Variants in IQSEC1 observed in about 807,000 individuals in gnomAD.
IQSEC1 encodes IQ motif and Sec7 domain ArfGEF 1.
Under a neutral mutation model 91.0 loss-of-function variants are expected in IQSEC1, and 31 were observed. That is an observed-to-expected ratio of 0.34 (90% CI 0.26 to 0.46). The LOEUF (loss-of-function observed/expected upper bound fraction) is 0.46, where lower values mean the gene tolerates loss of function less well. Among genes scored for constraint, IQSEC1 ranks in the 20% least tolerant of loss-of-function variants. The probability of loss-of-function intolerance (pLI) is 1.00; values close to 1 mark genes in which losing one functional copy is unlikely to be tolerated. For missense variants in IQSEC1, 1,388 were observed against 1,575.6 expected, an observed-to-expected ratio of 0.88 and a Z score of 2.02; for synonymous variants, 699 against 662.6, an observed-to-expected ratio of 1.05 and a Z score of -0.84.
chr3:13,179,259 C>G (rs2125014333), intron 1 of IQSEC1, among the ~76,000 whole-genome samples: 1 of 152,218 alleles, frequency 6.6e-6, no homozygotes, highest in African/African-American at 2.4e-5. Context: ...AAATACAAAA[C>G]AAAAACAGCA....
Position 12,994,124 on chromosome 3 carries a change from G to C in IQSEC1, c.24-52259C>G, listed in dbSNP as rs1014815000. ...GCCGCCGAGAGCGCGCCGTCCCCGC[G>C]GCCGGCGCGGCCCCAGAGCGTCCGG... On this transcript the variant is annotated intron_variant, in intron 1 of 13. Transcript: ENST00000613206. The surrounding 1 kb of genome is among the most constrained non-coding windows in gnomAD (Gnocchi z 4.5). Among the ~76,000 whole-genome samples, 136 of 146,286 alleles carry C rather than the reference G, an allele frequency of 9.3e-4. No individual in the cohort carries two copies. Among genetic ancestry groups the C allele is most frequent in the African/African-American group, 3.3e-3 (136 of 40,898 alleles).
intron 2 of IQSEC1, among the ~76,000 whole-genome samples, chr3:13,096,478 A>ACTGCGACTT (rs1705964439): frequency 6.6e-6 from 1 of 152,204 alleles, no homozygotes; most frequent in Admixed American, 6.5e-5. Context: ...GTCTAGCAAG[A>ACTGCGACTT]ATCAAGTATT....
At chr3:13,158,061 A>G (rs1421651006) in intron 2 of IQSEC1, among the ~76,000 whole-genome samples, 1 of 152,204 alleles carries the variant, frequency 6.6e-6, no homozygotes, top group African/African-American at 2.4e-5. Flanking sequence ...TAAGACAAAG[A>G]GAAAGGATTT....
At chr3:13,254,470 G>A (rs868709644) in intron 1 of IQSEC1, among the ~76,000 whole-genome samples, 2 of 152,252 alleles carry the variant, frequency 1.3e-5, no homozygotes, top group Non-Finnish European at 1.5e-5. Flanking sequence ...ATTCTGAGCA[G>A]AGGTTGGTCC....
chr3:13,217,725 T>C (rs2125070406), intron 1 of IQSEC1, among the ~76,000 whole-genome samples: 1 of 152,364 alleles, frequency 6.6e-6, no homozygotes, highest in Admixed American at 6.5e-5. Flanking sequence ...AAATGTATTT[T>C]GAAAAGAAAA....
Position 12,936,650 on chromosome 3 carries a change from A to G in IQSEC1, c.366T>C (p.His122=), listed in dbSNP as rs1014343763. 10 of 1,604,732 alleles carry G rather than the reference A, an allele frequency of 6.2e-6. No homozygotes were observed. The highest frequency in any genetic ancestry group is 1.7e-5 in the Admixed American group (1 of 58,964). ...RKYGGRLVTR[H]AARTIQTAFR... is the part of the protein sequence containing the mutation. ...ACGCCGTCTGGATGGTGCGGGCCGCATGGCGGGTTACCAGGCGCCCCCCAT... is the reference window on the plus strand; with the variant it reads ...ACGCCGTCTGGATGGTGCGGGCCGCGTGGCGGGTTACCAGGCGCCCCCCAT... The change falls in exon 3 of 14, where the codon CAT becomes CAC. Residue 122 remains histidine, a synonymous_variant. Coordinates refer to ENST00000613206, the MANE Select transcript of IQSEC1 (RefSeq NM_001134382.3).
chr3:13,028,192 G>C (rs1703694767), intron 1 of IQSEC1, among the ~76,000 whole-genome samples: 1 of 152,350 alleles, frequency 6.6e-6, no homozygotes, highest in African/African-American at 2.4e-5. Flanking sequence ...TGGCCCAGAG[G>C]GGGAGTTAAT....
chr3:13,149,181 C>G (rs964351151), intron 2 of IQSEC1, among the ~76,000 whole-genome samples: 2 of 152,224 alleles, frequency 1.3e-5, no homozygotes, highest in African/African-American at 2.4e-5. Context: ...CCCCCACATC[C>G]CAAAGCGCAG....
chr3:13,088,727 C>T (rs1209039037), intron 2 of IQSEC1, among the ~76,000 whole-genome samples: 1 of 152,252 alleles, frequency 6.6e-6, no homozygotes, highest in Admixed American at 6.5e-5. Context: ...TATCCTCCTC[C>T]TAACTCTGCC....
intron 2 of IQSEC1, among the ~76,000 whole-genome samples, chr3:13,149,079 C>G (rs964555585): frequency 1.3e-5 from 2 of 152,246 alleles, no homozygotes; most frequent in Non-Finnish European, 2.9e-5. Flanking sequence ...CTTGCTTACT[C>G]TGTCTGGGCA....
intron 1 of IQSEC1, among the ~76,000 whole-genome samples, chr3:13,213,642 C>T (rs755585596): frequency 6.6e-6 from 1 of 152,116 alleles, no homozygotes; most frequent in Non-Finnish European, 1.5e-5. Context: ...TCATATTACA[C>T]CTGCTGAAAT....
chr3:12,937,766 G>A (rs985838535), intron 2 of IQSEC1, among the ~76,000 whole-genome samples: 2 of 152,240 alleles, frequency 1.3e-5, no homozygotes, highest in African/African-American at 4.8e-5. Context: ...TTTACAGTTC[G>A]TAAAGCCCCC....
At chr3:13,112,301 G>A (rs1405669371) in intron 2 of IQSEC1, among the ~76,000 whole-genome samples, 1 of 152,212 alleles carries the variant, frequency 6.6e-6, no homozygotes, top group Non-Finnish European at 1.5e-5. Flanking sequence ...AAGCGCGGAG[G>A]TCACTAGCCA....
intron 12 of IQSEC1, among the ~76,000 whole-genome samples, chr3:12,904,476 T>C (rs1366638053): frequency 1.3e-5 from 2 of 152,226 alleles, no homozygotes; most frequent in East Asian, 1.9e-4. Context: ...TCACATTTCC[T>C]TATTTTTCAG....
chr3:12,921,943 C>T (rs536148749), intron 5 of IQSEC1, among the ~76,000 whole-genome samples, 177 bp downstream of exon 5: 102 of 152,308 alleles, frequency 6.7e-4, no homozygotes, highest in South Asian at 1.0e-3. Context: ...GAAAGGAGCC[C>T]GTCACAGTGC....
At chr3:13,105,293 G>T (rs1237138043) in intron 2 of IQSEC1, among the ~76,000 whole-genome samples, 1 of 151,922 alleles carries the variant, frequency 6.6e-6, no homozygotes, top group East Asian at 1.9e-4. Flanking sequence ...ACACCCATCT[G>T]GTCTCCTGAC....
intron 1 of IQSEC1, among the ~76,000 whole-genome samples, chr3:13,039,539 C>T (rs954056932): frequency 1.3e-5 from 2 of 152,176 alleles, no homozygotes; most frequent in Non-Finnish European, 2.9e-5. Flanking sequence ...GGGAAGGATC[C>T]GTTTGGGTGA....
rs1232063215 is a variant in IQSEC1, at chr3:12,897,227, C to T, written c.*3756G>A. On this transcript the variant is annotated 3_prime_UTR_variant, in exon 14 of 14. Transcript: ENST00000613206. ...AGAAAAAGTGAGAATCCGAGAGTTT[C>T]AAAGGATTTATTTGATTTCCCCACA... The T allele has an allele frequency of 6.6e-6, 1 of 152,204 alleles. No individual in the cohort carries two copies. Among genetic ancestry groups the T allele is most frequent in the Non-Finnish European group, 1.5e-5 (1 of 68,026 alleles). 9.4% of individuals were successfully genotyped at this position (152,204 alleles called of 1,614,324 possible). A position where few individuals can be genotyped will look rare whatever the true frequency, so the allele number is the denominator to read the frequency against.
At chr3:13,006,102 A>T (rs360833) in intron 1 of IQSEC1, among the ~76,000 whole-genome samples, 1 of 152,060 alleles carries the variant, frequency 6.6e-6, no homozygotes, top group Non-Finnish European at 1.5e-5. Flanking sequence ...CTAATGATAC[A>T]TATCTTGTGA....
Sources: gnomAD v4.1 joint callset for allele counts (sites outside exome capture counted in the v4.1 genomes callset) on GRCh38, gnomAD v4.1.1 for gene constraint, Gnocchi (gnomAD v3.1) non-coding constraint, MANE v1.5 for transcripts, NCBI Gene and HGNC (gene_info 2026-07-23, HGNC 2026-07-21) for gene names.